The following FMNL3 variants were observed in gnomAD, a reference collection of about 807,000 sequenced individuals.
FMNL3 encodes the protein formin-like protein 3.
Under a neutral mutation model 119.6 loss-of-function variants are expected in FMNL3, and 57 were observed. The ratio of observed to expected loss-of-function variants is 0.48; its 90% CI spans 0.39 to 0.59. FMNL3 has a LOEUF of 0.59. Among genes scored for constraint, FMNL3 ranks in the 20% least tolerant of loss-of-function variants. The pLI is 0.00. For missense variants in FMNL3, 1,053 were observed against 1,323.5 expected, an observed-to-expected ratio of 0.80 and a Z score of 3.17; for synonymous variants, 491 against 507.3, an observed-to-expected ratio of 0.97 and a Z score of 0.43.
Position 49,642,736 on chromosome 12 carries a change from C to A in FMNL3, c.*3079G>T. ...CCTTGAACTCATTAGACCAGTTCAA[C>A]AGAGACCTCAGTGGCCTCCCTCTTA... On this transcript the variant is annotated 3_prime_UTR_variant, in exon 26 of 26. Transcript: ENST00000335154. The surrounding 1 kb of genome is among the most constrained non-coding windows in gnomAD (Gnocchi z 5.8). The A allele has an allele frequency of 2.6e-6, 4 of 1,541,760 alleles. No individual in the cohort carries two copies. The highest frequency in any genetic ancestry group is 3.5e-6 in the Non-Finnish European group (4 of 1,130,210).
Position 49,644,215 on chromosome 12 carries a change from C to T in FMNL3, c.*1600G>A, listed in dbSNP as rs372212468. On this transcript the variant is annotated 3_prime_UTR_variant, in exon 26 of 26. Transcript: ENST00000335154. ...TGACCCAATGAGCTGTTCTCTGCCT[C>T]GGGTCTGTGTGAGGCCATGGCTCCT... The T allele has an allele frequency of 2.4e-5, 39 of 1,613,318 alleles. No homozygotes were observed. The highest frequency in any genetic ancestry group is 2.9e-5 in the Non-Finnish European group (34 of 1,179,582).
At position 49,643,072 on chromosome 12, in the gene FMNL3, AAC is replaced by A. The variant is rs1461662964; in HGVS notation, c.*2741_*2742del. On this transcript the variant is annotated 3_prime_UTR_variant, in exon 26 of 26. Coordinates refer to ENST00000335154, the MANE Select transcript of FMNL3 (RefSeq NM_175736.5). The stretch of plus-strand genomic sequence containing the variant: ...GAAGCTGGGTTGTTTTGGGGAAATA[AAC>A]ACTTTGTTTTCCCCTTACAATATCT... 3 of 1,601,294 alleles carry A rather than the reference AAC, an allele frequency of 1.9e-6. No homozygotes were observed. The highest frequency in any genetic ancestry group is 2.7e-5 in the African/African-American group (2 of 74,544).
Position 49,666,167 on chromosome 12 carries a change from T to C in FMNL3, c.251A>G (p.Gln84Arg). The change falls in exon 3 of 26, where the codon CAG becomes CGG. Residue 84 changes from glutamine (Q) to arginine (R), a missense_variant. Gln to Arg is a conservative substitution (Grantham distance 43, BLOSUM62 1). Transcript: ENST00000335154. Reference sequence around the variant, plus strand: ...GGGGTCCAAGAAGCTCTGGAGTTTCTGAATGTAAGTGTGGGGAGGATTCTT... The same window carrying C: ...GGGGTCCAAGAAGCTCTGGAGTTTCCGAATGTAAGTGTGGGGAGGATTCTT... Reference protein sequence around the residue: ...QVKNPPHTYIQKLQSFLDPSV... With the variant: ...QVKNPPHTYIRKLQSFLDPSV... 1 of 1,614,118 alleles carries C rather than the reference T, an allele frequency of 6.2e-7. No individual in the cohort carries two copies. The highest frequency in any genetic ancestry group is 8.5e-7 in the Non-Finnish European group (1 of 1,179,992).
intron 1 of FMNL3, among the ~76,000 whole-genome samples, chr12:49,692,801 G>C (rs1944641336): frequency 6.6e-6 from 1 of 152,096 alleles, no homozygotes. Context: ...ATTGTACAAG[G>C]GAAAAAGAAT....
chr12:49,684,162 A>C (rs1944402311), intron 1 of FMNL3, among the ~76,000 whole-genome samples: 1 of 152,164 alleles, frequency 6.6e-6, no homozygotes, highest in Non-Finnish European at 1.5e-5. Flanking sequence ...AGCTCTTAAC[A>C]CAATTCTAAG....
intron 1 of FMNL3, among the ~76,000 whole-genome samples, chr12:49,682,349 C>T (rs1944358210): frequency 1.3e-5 from 2 of 151,710 alleles, no homozygotes; most frequent in Admixed American, 6.5e-5. Context: ...GGATTACAGG[C>T]GTGAGCCACC....
chr12:49,686,578 CAAAAAAAAA>C (rs746062262), intron 1 of FMNL3, among the ~76,000 whole-genome samples: 22 of 61,900 alleles, frequency 3.6e-4, no homozygotes, highest in African/African-American at 7.1e-4. Context: ...ACTTCATCTC[CAAAAAAAAA>C]AAAAAAAAAA....
intron 13 of FMNL3, 137 bp downstream of exon 13, chr12:49,653,089 C>T: frequency 1.3e-6 from 1 of 792,434 alleles, no homozygotes; most frequent in Non-Finnish European, 2.1e-6. Flanking sequence ...CATCAGCCCA[C>T]CCACACCTGA....
intron 4 of FMNL3, among the ~76,000 whole-genome samples, chr12:49,664,430 C>T (rs890892905): frequency 1.3e-5 from 2 of 152,064 alleles, no homozygotes; most frequent in South Asian, 4.1e-4. Flanking sequence ...AAAAAGAAGA[C>T]AGAAGGGCTG....
At chr12:49,659,070 C>T (rs1943660258) in intron 5 of FMNL3, among the ~76,000 whole-genome samples, 1 of 152,230 alleles carries the variant, frequency 6.6e-6, no homozygotes, top group South Asian at 2.1e-4. Context: ...AAGGGCCCTT[C>T]AGTGCTTTGA....
At position 49,645,127 on chromosome 12, in the gene FMNL3, A is replaced by AC. The variant is rs1943125242; in HGVS notation, c.*687_*688insG. ...GCCAAAAAAAAAAAAAAAAAAAAAA[A>AC]AACCGTAGCTGAGGAAAGAAGGTGA... On this transcript the variant is annotated 3_prime_UTR_variant, in exon 26 of 26. Transcript: ENST00000335154. 2.0e-5 allele frequency: 3 copies of AC among 151,834 alleles called. No homozygotes were observed. Among genetic ancestry groups the AC allele is most frequent in the Non-Finnish European group, 4.4e-5 (3 of 67,982 alleles). The allele number at this position is 151,834 out of a possible 1,614,324, so 9.4% of individuals were successfully genotyped here.
Position 49,645,641 on chromosome 12 carries a change from C to A in FMNL3, c.*174G>T, listed in dbSNP as rs1004514954. On this transcript the variant is annotated 3_prime_UTR_variant, in exon 26 of 26. Coordinates refer to ENST00000335154, the MANE Select transcript of FMNL3 (RefSeq NM_175736.5). ...AGTGCAGTACTGGAAGCACCAGGGA[C>A]CTACAGACCTAGTGCCCATAGTGGC... is the stretch of plus-strand genomic sequence containing the variant. 30 of 571,206 alleles carry A rather than the reference C, an allele frequency of 5.3e-5. No individual in the cohort carries two copies. The African/African-American group carries it at 5.9e-4, about 11-fold the overall frequency. The allele number at this position is 571,206 out of a possible 1,614,324, so 35.4% of individuals were successfully genotyped here. A position where few individuals can be genotyped will look rare whatever the true frequency, so the allele number is the denominator to read the frequency against.
chr12:49,664,905 C>T (rs1222220963), intron 4 of FMNL3, among the ~76,000 whole-genome samples: 1 of 152,122 alleles, frequency 6.6e-6, no homozygotes, highest in Non-Finnish European at 1.5e-5. Flanking sequence ...CTCTAACCCC[C>T]TGTCAGGAAG....
rs778515871 is a variant in FMNL3 at position 49,649,030 on chromosome 12, T to G, written c.2514A>C (p.Ala838=). ...CCCACCCAGCCAGGCTCTCCTCACCTGCTGCAGCCTTCTCAACAAAGTGCA... is the reference window on the plus strand; with the variant it reads ...CCCACCCAGCCAGGCTCTCCTCACCGGCTGCAGCCTTCTCAACAAAGTGCA... ...HELHFVEKAA[A]VSLENVLLDV... is the part of the protein sequence containing the mutation. The change falls in exon 21 of 26, where the codon GCA becomes GCC. Residue 838 remains alanine (A), a splice_region_variant and synonymous_variant. Coordinates refer to ENST00000335154, the MANE Select transcript of FMNL3 (RefSeq NM_175736.5). This position sits in a 1 kb window ranked among gnomAD's most constrained non-coding sequence, Gnocchi z 5.6. The G allele has an allele frequency of 3.8e-6, 6 of 1,588,716 alleles. No individual in the cohort carries two copies. The highest frequency in any genetic ancestry group is 5.1e-6 in the Non-Finnish European group (6 of 1,167,532).
rs1307215753 is a variant in FMNL3, at chr12:49,642,170, T to C, written c.*3645A>G. The C allele has an allele frequency of 1.7e-5, 28 of 1,613,038 alleles. No individual in the cohort carries two copies. Among genetic ancestry groups the C allele is most frequent in the Non-Finnish European group, 2.2e-5 (26 of 1,179,344 alleles). On this transcript the variant is annotated 3_prime_UTR_variant, in exon 26 of 26. Coordinates refer to ENST00000335154, the MANE Select transcript of FMNL3 (RefSeq NM_175736.5). The surrounding 1 kb of genome is among the most constrained non-coding windows in gnomAD (Gnocchi z 5.8). Reference sequence around the variant, plus strand: ...CCCTAACTTTCCACCTCCTAAGGTATGCCTGAGTGGGACCTGGCATCCACC... The same window carrying C: ...CCCTAACTTTCCACCTCCTAAGGTACGCCTGAGTGGGACCTGGCATCCACC...
intron 1 of FMNL3, among the ~76,000 whole-genome samples, chr12:49,685,632 G>A (rs1565891304): frequency 6.6e-6 from 1 of 152,196 alleles, no homozygotes; most frequent in Non-Finnish European, 1.5e-5. Flanking sequence ...TGACTAGTAC[G>A]TGCTGTTCAG....
rs1565863705 is a variant in FMNL3, at chr12:49,647,386, T to TG, written c.2779-19dup. On this transcript the variant is annotated intron_variant, in intron 23 of 25. Transcript: ENST00000335154. This position sits in a 1 kb window ranked among gnomAD's most constrained non-coding sequence, Gnocchi z 4.9. Reference sequence around the variant, plus strand: ...TCTGCTTCCTAAGAGCCATGGAAGATGGGGGGTGGGGAGTGAGGCTCATAG... The same window carrying TG: ...TCTGCTTCCTAAGAGCCATGGAAGATGGGGGGGTGGGGAGTGAGGCTCATAG... 4.4e-6 allele frequency: 7 copies of TG among 1,607,824 alleles called. No homozygotes were observed. The highest frequency in any genetic ancestry group is 5.9e-6 in the Non-Finnish European group (7 of 1,178,322).
At position 49,642,077 on chromosome 12, in the gene FMNL3, C is replaced by T. The variant is rs1942744132; in HGVS notation, c.*3738G>A. On this transcript the variant is annotated 3_prime_UTR_variant, in exon 26 of 26. Transcript: ENST00000335154. The surrounding 1 kb of genome is among the most constrained non-coding windows in gnomAD (Gnocchi z 5.8). The stretch of plus-strand genomic sequence containing the variant: ...TTCTCTAATTCATCTGTGTCTTGCT[C>T]CATTCCTTCTCACTCACTGTCCCAC... The T allele has an allele frequency of 3.7e-6, 6 of 1,605,122 alleles. No homozygotes were observed. The highest frequency in any genetic ancestry group is 5.1e-6 in the Non-Finnish European group (6 of 1,174,888).
chr12:49,686,605 T>G (rs1326496064), intron 1 of FMNL3, among the ~76,000 whole-genome samples: 1 of 148,930 alleles, frequency 6.7e-6, no homozygotes, highest in Non-Finnish European at 1.5e-5. Flanking sequence ...AAAAAAGTAT[T>G]GAGCACCTTT....
Sources: allele counts gnomAD v4.1 joint callset (sites outside exome capture counted in the v4.1 genomes callset), GRCh38; gene constraint gnomAD v4.1.1; non-coding constraint Gnocchi (gnomAD v3.1); transcripts MANE v1.5; gene names NCBI Gene and HGNC (gene_info 2026-07-23, HGNC 2026-07-21).